Variants in TOR1AIP2 observed in about 807,000 individuals in gnomAD.
The protein encoded by TOR1AIP2 is torsin-1A-interacting protein 2.
In TOR1AIP2, 20 loss-of-function variants were observed where a neutral mutation model predicts 32.6. The observed-to-expected ratio is 0.61, with a 90% CI of 0.43 to 0.89. TOR1AIP2 has a LOEUF of 0.89. Ranked by LOEUF, TOR1AIP2 falls within the 40% of genes least tolerant of loss-of-function variation. The pLI is 0.00. For synonymous variants in TOR1AIP2, 214 were observed against 210.8 expected (o/e 1.02, Z -0.13); for missense variants, 456 against 553.8 (o/e 0.82, Z 1.77).
intron 2 of TOR1AIP2, chr1:179,867,665 T>C (rs529365899): frequency 4.6e-5 from 7 of 151,680 alleles, no homozygotes; most frequent in Admixed American, 4.6e-4. Context: ...ACAAAGGGGG[T>C]TCCACATACT....
rs397754674 is a variant in TOR1AIP2 at position 179,843,820 on chromosome 1, CAA to C, written c.*2249_*2250del. ...TGGGAGTCAGAGTGAGACTCCATCT[CAA>C]AAAAAAAAAAAAAAAAAAAAGACTT... is the stretch of plus-strand genomic sequence containing the variant. On this transcript the variant is annotated 3_prime_UTR_variant, in exon 7 of 7. Transcript: ENST00000609928. 0.093 allele frequency: 5,115 copies of C among 54,946 alleles called. 102 individuals carry two copies. The highest frequency in any genetic ancestry group is 0.25 in the African/African-American group (4,378 of 17,412). The allele number at this position is 54,946 out of a possible 1,614,324, so 3.4% of individuals were successfully genotyped here.
chr1:179,854,633 G>C (rs367780152), intron 3 of TOR1AIP2, among the ~76,000 whole-genome samples: 4 of 152,196 alleles, frequency 2.6e-5, no homozygotes, highest in Non-Finnish European at 4.4e-5. Flanking sequence ...ACTTTGGGAG[G>C]CTGAGGCGGG....
chr1:179,862,433 T>C, intron 3 of TOR1AIP2: 7 of 985,294 alleles, frequency 7.1e-6, no homozygotes, highest in Non-Finnish European at 7.2e-6. Flanking sequence ...TAACTAGTCT[T>C]CAGTCAATTT....
chr1:179,861,866 GT>G lies in TOR1AIP2; in HGVS notation c.-147+3569del, dbSNP rs982352804. On this transcript the variant is annotated intron_variant, in intron 3 of 6. Coordinates refer to ENST00000609928, the MANE Select transcript of TOR1AIP2 (RefSeq NM_001199260.2). The stretch of plus-strand genomic sequence containing the variant: ...AGGTACTATTTATATCTTTTATGTT[GT>G]TTTTTTTTCTTGAAAGAGACAGTGG... The G allele has an allele frequency of 1.7e-5, 16 of 919,350 alleles. No individual in the cohort carries two copies. In the East Asian group the frequency reaches 4.7e-4, roughly 27 times the overall value. 56.9% of individuals were successfully genotyped at this position (919,350 alleles called of 1,614,324 possible).
Position 179,852,748 on chromosome 1 carries a change from T to C in TOR1AIP2, c.-83A>G. The C allele has an allele frequency of 6.2e-7, 1 of 1,603,640 alleles. No individual in the cohort carries two copies. ...TTGTGAAGATGTCTTGTTTTCTTCT[T>C]GTCCCAAGTCCCAACAGACTCATGC... On this transcript the variant is annotated 5_prime_UTR_variant, in exon 4 of 7. Transcript: ENST00000609928.
intron 3 of TOR1AIP2, chr1:179,864,680 G>C: frequency 6.7e-7 from 1 of 1,494,760 alleles, no homozygotes; most frequent in Non-Finnish European, 8.9e-7. Context: ...TCCCAAAGTA[G>C]TGACAATCTG....
At position 179,845,859 on chromosome 1, in the gene TOR1AIP2, A is replaced by T. The variant is rs1007441819; in HGVS notation, c.*212T>A. 3.9e-6 allele frequency: 2 copies of T among 509,722 alleles called. No individual in the cohort carries two copies. Among genetic ancestry groups the T allele is most frequent in the African/African-American group, 3.9e-5 (2 of 51,636 alleles). 31.6% of individuals were successfully genotyped at this position (509,722 alleles called of 1,614,324 possible). ...AAACCTGATTTGGTCCAAAGAAAAA[A>T]AGTCAGGTTAATTTTTAGCTTTGTC... On this transcript the variant is annotated 3_prime_UTR_variant, in exon 7 of 7. Transcript: ENST00000609928.
Position 179,841,096 on chromosome 1 carries a change from A to G in TOR1AIP2, c.*4975T>C, listed in dbSNP as rs547126646. On this transcript the variant is annotated 3_prime_UTR_variant, in exon 7 of 7. Coordinates refer to ENST00000609928, the MANE Select transcript of TOR1AIP2 (RefSeq NM_001199260.2). Reference sequence around the variant, plus strand: ...CATCTGGAGAAACTGTTTTACAGGTATCTTAACTTTATTTAGCTCTCTGTA... The same window carrying G: ...CATCTGGAGAAACTGTTTTACAGGTGTCTTAACTTTATTTAGCTCTCTGTA... The G allele has an allele frequency of 6.6e-6, 1 of 152,180 alleles. No individual in the cohort carries two copies. Among genetic ancestry groups the G allele is most frequent in the Non-Finnish European group, 1.5e-5 (1 of 68,034 alleles). 9.4% of individuals were successfully genotyped at this position (152,180 alleles called of 1,614,324 possible). A position where few individuals can be genotyped will look rare whatever the true frequency, so the allele number is the denominator to read the frequency against.
intron 3 of TOR1AIP2, among the ~76,000 whole-genome samples, chr1:179,856,768 C>A (rs995412995): frequency 6.6e-6 from 1 of 152,186 alleles, no homozygotes; most frequent in East Asian, 1.9e-4. Flanking sequence ...TGCGCACCAC[C>A]GTGCCCAGCT....
chr1:179,839,981 ATTTATTC>A lies in TOR1AIP2; in HGVS notation c.*6083_*6089del, dbSNP rs1411307482. On this transcript the variant is annotated 3_prime_UTR_variant, in exon 7 of 7. Coordinates refer to ENST00000609928, the MANE Select transcript of TOR1AIP2 (RefSeq NM_001199260.2). ...AATCAGTCCGCTGAAAAAAATTCAG[ATTTATTC>A]TTTATTCTGGTAATGGCCAACTAAT... The A allele has an allele frequency of 6.6e-6, 1 of 152,214 alleles. No individual in the cohort carries two copies. The highest frequency in any genetic ancestry group is 2.4e-5 in the African/African-American group (1 of 41,454). 9.4% of individuals were successfully genotyped at this position (152,214 alleles called of 1,614,324 possible).
chr1:179,868,237 A>G (rs1696866015), intron 2 of TOR1AIP2: 2 of 152,192 alleles, frequency 1.3e-5, no homozygotes, highest in African/African-American at 4.8e-5. Context: ...CAGCAATGCA[A>G]TAACAAGTAC....
chr1:179,847,855 G>A (rs1695969774), intron 5 of TOR1AIP2, among the ~76,000 whole-genome samples: 1 of 152,090 alleles, frequency 6.6e-6, no homozygotes, highest in Non-Finnish European at 1.5e-5. Context: ...CCAACAAGGT[G>A]AAACCCTGTC....
At chr1:179,873,070 A>G (rs1457940073) in intron 2 of TOR1AIP2, among the ~76,000 whole-genome samples, 1 of 152,076 alleles carries the variant, frequency 6.6e-6, no homozygotes, top group Non-Finnish European at 1.5e-5. Flanking sequence ...TTTAGTTGTT[A>G]TTTTTCCTTA....
chr1:179,871,190 ACCT>A (rs1437926505), intron 2 of TOR1AIP2, among the ~76,000 whole-genome samples: 2 of 152,172 alleles, frequency 1.3e-5, no homozygotes, highest in African/African-American at 4.8e-5. Context: ...GTATTTTCAA[ACCT>A]CCTTCACTAA....
At position 179,841,510 on chromosome 1, in the gene TOR1AIP2, C is replaced by G. The variant is rs1003667813; in HGVS notation, c.*4561G>C. On this transcript the variant is annotated 3_prime_UTR_variant, in exon 7 of 7. Transcript: ENST00000609928. The stretch of plus-strand genomic sequence containing the variant: ...ACTAGCCGGGCATGGTGGCATAATT[C>G]CTGAAGTAGGAGGATCATCCCCTTG... 5 of 152,148 alleles carry G rather than the reference C, an allele frequency of 3.3e-5. No homozygotes were observed. The highest frequency in any genetic ancestry group is 1.2e-4 in the African/African-American group (5 of 41,408). 9.4% of individuals were successfully genotyped at this position (152,148 alleles called of 1,614,324 possible). A position where few individuals can be genotyped will look rare whatever the true frequency, so the allele number is the denominator to read the frequency against.
intron 5 of TOR1AIP2, 84 bp from the exon 6 acceptor site, chr1:179,847,720 G>T: frequency 1.0e-6 from 1 of 955,274 alleles, no homozygotes; most frequent in South Asian, 1.3e-5. Flanking sequence ...CCAAACCAAA[G>T]AATGATTTGA....
chr1:179,872,142 C>A (rs1043529681), intron 2 of TOR1AIP2, among the ~76,000 whole-genome samples: 2 of 152,198 alleles, frequency 1.3e-5, no homozygotes, highest in Admixed American at 1.3e-4. Flanking sequence ...GCCCCAGGAA[C>A]TGACAAACGA....
chr1:179,853,272 T>C (rs201751834), intron 3 of TOR1AIP2, among the ~76,000 whole-genome samples: 1 of 152,216 alleles, frequency 6.6e-6, no homozygotes, highest in African/African-American at 2.4e-5. Context: ...TCCCACAAAC[T>C]GAGATGGCTG....
At position 179,862,406 on chromosome 1, in the gene TOR1AIP2, A is replaced by G. The variant is rs1406342597; in HGVS notation, c.-147+3030T>C. The G allele has an allele frequency of 3.1e-6, 3 of 983,560 alleles. No individual in the cohort carries two copies. The Admixed American group carries it at 1.8e-4, about 61-fold the overall frequency. The allele number at this position is 983,560 out of a possible 1,614,324, so 60.9% of individuals were successfully genotyped here. A position where few individuals can be genotyped will look rare whatever the true frequency, so the allele number is the denominator to read the frequency against. ...TGTAGGATAGTGAAATTCTTCATTA[A>G]AGAGTTAGTGATAAACTAACTAGTC... On this transcript the variant is annotated intron_variant, in intron 3 of 6. Transcript: ENST00000609928.
Sources: allele counts gnomAD v4.1 joint callset (sites outside exome capture counted in the v4.1 genomes callset), GRCh38; gene constraint gnomAD v4.1.1; transcripts MANE v1.5; gene names NCBI Gene and HGNC (gene_info 2026-07-23, HGNC 2026-07-21).